Variants in EIF4E1B observed in about 807,000 individuals in gnomAD.
EIF4E1B encodes eukaryotic translation initiation factor 4E type 1B.
EIF4E1B carries 22 observed loss-of-function variants against 31.3 expected under a neutral mutation model. The observed-to-expected ratio is 0.70, with a 90% CI of 0.50 to 1.00. EIF4E1B has a LOEUF of 1.00. Among genes scored for constraint, EIF4E1B ranks in the 50% least tolerant of loss-of-function variants. The pLI, the probability that EIF4E1B is intolerant of heterozygous loss-of-function variation, is 0.00. For missense variants in EIF4E1B, 290 were observed against 311.6 expected (o/e 0.93, Z 0.52); for synonymous variants, 126 against 120.2 (o/e 1.05, Z -0.31).
chr5:176,643,822 C>A, intron 5 of EIF4E1B, 88 bp downstream of exon 5: 2 of 1,380,976 alleles, frequency 1.4e-6, no homozygotes, highest in South Asian at 1.3e-5. Flanking sequence ...CTCCCTAGGG[C>A]CTTTCAGCCT....
chr5:176,644,409 C>T lies in EIF4E1B; in HGVS notation c.330C>T (p.Leu110=). The T allele has an allele frequency of 1.9e-6, 3 of 1,596,114 alleles. No homozygotes were observed. Among genetic ancestry groups the T allele is most frequent in the Non-Finnish European group, 1.7e-6 (2 of 1,171,218 alleles). Residue 110 remains leucine (L), a synonymous_variant, in exon 6 of 9, where the codon CTC becomes CTT. Coordinates refer to ENST00000318682, the MANE Select transcript of EIF4E1B (RefSeq NM_001099408.2). ...GTCACATCCAGCTGGCCAGCAAGCT[C>T]TCCTCTGGCTGTGACTACGCCCTCT... is the stretch of plus-strand genomic sequence containing the variant. ...LYSHIQLASK[L]SSGCDYALFK... is the part of the protein sequence containing the mutation.
At chr5:176,636,110 C>A (rs1760489071) in intron 1 of EIF4E1B, among the ~76,000 whole-genome samples, 1 of 152,228 alleles carries the variant, frequency 6.6e-6, no homozygotes, top group Non-Finnish European at 1.5e-5. Context: ...AGCCACCGTT[C>A]CCAGCTAGAT....
Position 176,644,417 on chromosome 5 carries a change from G to T in EIF4E1B, c.338G>T (p.Gly113Val). The T allele has an allele frequency of 6.3e-7, 1 of 1,596,110 alleles. No individual in the cohort carries two copies. The highest frequency in any genetic ancestry group is 8.5e-7 in the Non-Finnish European group (1 of 1,171,264). ...CAGCTGGCCAGCAAGCTCTCCTCTG[G>T]CTGTGACTACGCCCTCTTCAAGGTA... ...HIQLASKLSSGCDYALFKDGI... is the reference protein window; with the variant it reads ...HIQLASKLSSVCDYALFKDGI... Residue 113 changes from glycine to valine, a missense_variant, in exon 6 of 9, where the codon GGC becomes GTC. By Grantham distance (109) the Gly-to-Val change is moderately radical (BLOSUM62 -3). Transcript: ENST00000318682.
chr5:176,643,039 G>A (rs1246212525), intron 3 of EIF4E1B, 43 bp from the exon 4 acceptor site: 3 of 1,566,556 alleles, frequency 1.9e-6, no homozygotes, highest in Non-Finnish European at 2.6e-6. Context: ...GGACAGCCAG[G>A]GCCAGAGCTC....
Position 176,644,601 on chromosome 5 carries a change from G to A in EIF4E1B, c.360+162G>A, listed in dbSNP as rs533622175. 4.8e-5 allele frequency: 38 copies of A among 791,430 alleles called. No homozygotes were observed. In the Middle Eastern group the frequency reaches 7.9e-4, roughly 16 times the overall value. 49.0% of individuals were successfully genotyped at this position (791,430 alleles called of 1,614,324 possible). A position where few individuals can be genotyped will look rare whatever the true frequency, so the allele number is the denominator to read the frequency against. On this transcript the variant is annotated intron_variant, in intron 6 of 8. Transcript: ENST00000318682. ...TGGAGGAAATGCTCTACAGGAGCCC[G>A]GACAGAGTAGGTCAGGCCCAAGCCG...
chr5:176,636,006 G>A (rs866534165), intron 1 of EIF4E1B, among the ~76,000 whole-genome samples: 17 of 152,126 alleles, frequency 1.1e-4, no homozygotes, highest in East Asian at 3.9e-4. Flanking sequence ...TAGTAGAGAC[G>A]GGGTTTCACC....
At chr5:176,636,344 C>T (rs1025026698) in intron 1 of EIF4E1B, among the ~76,000 whole-genome samples, 7 of 152,238 alleles carry the variant, frequency 4.6e-5, no homozygotes, top group Admixed American at 3.9e-4. Flanking sequence ...TGTTTCTGTT[C>T]TCTCTTTCCC....
intron 1 of EIF4E1B, among the ~76,000 whole-genome samples, chr5:176,640,304 A>T (rs729422): frequency 1.3e-5 from 2 of 152,082 alleles, no homozygotes; most frequent in African/African-American, 2.4e-5. Flanking sequence ...AGATGACTCC[A>T]GCCCCAACCT....
At chr5:176,641,946 A>G (rs12515826) in intron 1 of EIF4E1B, 97 bp from the exon 2 acceptor site, 65,260 of 152,506 alleles carry the variant, frequency 0.43, 15,967 homozygotes, top group Non-Finnish European at 0.54. Flanking sequence ...TGTTGAGCAC[A>G]AGCCAGGCCT....
chr5:176,645,626 C>T lies in EIF4E1B; in HGVS notation c.614+110C>T. ...ACCTCTGAAAGTCTCCATAGCCTCC[C>T]TCCCTTCTGCCTTGCCCACCTGTAT... is the stretch of plus-strand genomic sequence containing the variant. On this transcript the variant is annotated intron_variant, in intron 8 of 8. Transcript: ENST00000318682. This position sits in a 1 kb window ranked among gnomAD's most constrained non-coding sequence, Gnocchi z 5.4. 7.2e-7 allele frequency: 1 copy of T among 1,392,388 alleles called. No homozygotes were observed. The highest frequency in any genetic ancestry group is 3.0e-5 in the Admixed American group (1 of 32,840). 86.3% of individuals were successfully genotyped at this position (1,392,388 alleles called of 1,614,324 possible). A position where few individuals can be genotyped will look rare whatever the true frequency, so the allele number is the denominator to read the frequency against.
rs946664836 is a variant in EIF4E1B, at chr5:176,638,446, C to T, written c.-201-3597C>T. Reference sequence around the variant, plus strand: ...GGTCATTATTTGTTGAATGAATAAACGAATAAGTAGTGTTAAGCGCTAAGA... The same window carrying T: ...GGTCATTATTTGTTGAATGAATAAATGAATAAGTAGTGTTAAGCGCTAAGA... On this transcript the variant is annotated intron_variant, in intron 1 of 8. Coordinates refer to ENST00000318682, the MANE Select transcript of EIF4E1B (RefSeq NM_001099408.2). The surrounding 1 kb of genome is among the most constrained non-coding windows in gnomAD (Gnocchi z 4.3). Among the ~76,000 whole-genome samples the T allele has an allele frequency of 5.3e-5, 8 of 152,052 alleles. No homozygotes were observed. Among genetic ancestry groups the T allele is most frequent in the Non-Finnish European group, 1.2e-4 (8 of 68,018 alleles).
intron 1 of EIF4E1B, among the ~76,000 whole-genome samples, chr5:176,634,101 G>A (rs957070039): frequency 6.6e-6 from 1 of 151,962 alleles, no homozygotes; most frequent in East Asian, 1.9e-4. Flanking sequence ...ACAATGGGGT[G>A]AGTGATGTTG....
At chr5:176,642,880 G>C in intron 3 of EIF4E1B, 78 bp downstream of exon 3, 1 of 1,504,368 alleles carries the variant, frequency 6.6e-7, no homozygotes, top group Non-Finnish European at 8.9e-7. Context: ...CAGGTGGGCG[G>C]GGCAGGTGCT....
intron 1 of EIF4E1B, among the ~76,000 whole-genome samples, chr5:176,640,701 C>T (rs1228211608): frequency 6.6e-6 from 1 of 152,202 alleles, no homozygotes; most frequent in Non-Finnish European, 1.5e-5. Context: ...CTGATTGCCT[C>T]CCCAGCCAGT....
intron 1 of EIF4E1B, among the ~76,000 whole-genome samples, chr5:176,636,044 T>A (rs1760487244): frequency 6.6e-6 from 1 of 152,214 alleles, no homozygotes. Flanking sequence ...CTCGAACTCC[T>A]GACCTCAGGT....
chr5:176,642,850 C>CA, intron 3 of EIF4E1B, 48 bp downstream of exon 3: 1 of 1,290,366 alleles, frequency 7.7e-7, no homozygotes, highest in African/African-American at 2.4e-5. Context: ...GCCCCGCCCT[C>CA]TCCCCCCCCC....
In EIF4E1B at chr5:176,645,991, G is replaced by C. The variant is rs772964599; in HGVS notation, c.*11G>C. 1 of 1,587,714 alleles carries C rather than the reference G, an allele frequency of 6.3e-7. No individual in the cohort carries two copies. Among genetic ancestry groups the C allele is most frequent in the Non-Finnish European group, 8.6e-7 (1 of 1,167,224 alleles). On this transcript the variant is annotated 3_prime_UTR_variant, in exon 9 of 9. Coordinates refer to ENST00000318682, the MANE Select transcript of EIF4E1B (RefSeq NM_001099408.2). The surrounding 1 kb of genome is among the most constrained non-coding windows in gnomAD (Gnocchi z 5.4). ...AAGTTTGTGGTGTGAGGGGGGCCTT[G>C]GCACCCCTCCTATGTAATGGGACAG...
At chr5:176,632,394 T>A (rs1760417686) in intron 1 of EIF4E1B, among the ~76,000 whole-genome samples, 1 of 152,202 alleles carries the variant, frequency 6.6e-6, no homozygotes, top group Non-Finnish European at 1.5e-5. Flanking sequence ...TAGCTGGGAT[T>A]ACAGGCATGT....
chr5:176,641,190 G>T (rs760401178), intron 1 of EIF4E1B, among the ~76,000 whole-genome samples: 1 of 152,066 alleles, frequency 6.6e-6, no homozygotes, highest in Non-Finnish European at 1.5e-5. Flanking sequence ...CTAGCCGGGC[G>T]TGGTGGTGCA....
Sources: gnomAD v4.1 joint callset for allele counts (sites outside exome capture counted in the v4.1 genomes callset) on GRCh38, gnomAD v4.1.1 for gene constraint, Gnocchi (gnomAD v3.1) non-coding constraint, MANE v1.5 for transcripts, NCBI Gene and HGNC (gene_info 2026-07-23, HGNC 2026-07-21) for gene names.